FCHO2: variants seen among roughly 807,000 people sequenced by gnomAD.
The protein encoded by FCHO2 is F-BAR domain only protein 2.
Under a neutral mutation model 114.1 loss-of-function variants are expected in FCHO2, and 43 were observed. The ratio of observed to expected loss-of-function variants is 0.38; its 90% CI spans 0.30 to 0.49. The LOEUF is 0.49. Ranked by LOEUF, FCHO2 falls within the 20% of genes least tolerant of loss-of-function variation. The probability of loss-of-function intolerance (pLI) is 0.97; values close to 1 mark genes in which losing one functional copy is unlikely to be tolerated. For missense variants in FCHO2, 807 were observed against 950.4 expected, an observed-to-expected ratio of 0.85 and a Z score of 1.98; for synonymous variants, 293 against 315.2, an observed-to-expected ratio of 0.93 and a Z score of 0.75.
At chr5:73,009,745 C>T (rs1371550990) in intron 6 of FCHO2, among the ~76,000 whole-genome samples, 2 of 152,164 alleles carry the variant, frequency 1.3e-5, no homozygotes, top group African/African-American at 2.4e-5. Flanking sequence ...CCATGTTGCC[C>T]AGGGTGGTCT....
intron 5 of FCHO2, among the ~76,000 whole-genome samples, chr5:73,003,581 G>T (rs1001900484): frequency 3.9e-5 from 6 of 152,086 alleles, no homozygotes; most frequent in African/African-American, 1.4e-4. Flanking sequence ...TCTGTATTAG[G>T]AATGATCACA....
Position 73,000,184 on chromosome 5 carries a change from T to A in FCHO2, c.496-6261T>A, listed in dbSNP as rs545679877. 1.3e-4 allele frequency among the ~76,000 whole-genome samples: 19 copies of A among 151,762 alleles called. No homozygotes were observed. In the East Asian group the frequency reaches 2.9e-3, roughly 23 times the overall value. On this transcript the variant is annotated intron_variant, in intron 5 of 25. Coordinates refer to ENST00000430046, the MANE Select transcript of FCHO2 (RefSeq NM_138782.3). ...CATGCACAGCCAATAAAAAAAAAAA[T>A]TTTGCAGGCCAGGCACGGTGGCTCA...
intron 8 of FCHO2, among the ~76,000 whole-genome samples, chr5:73,018,395 T>C (rs908281546): frequency 1.3e-5 from 2 of 152,148 alleles, no homozygotes; most frequent in African/African-American, 4.8e-5. Flanking sequence ...TATACAGTTA[T>C]GAACTTATAA....
At chr5:73,040,073 C>T (rs1683148901) in intron 10 of FCHO2, among the ~76,000 whole-genome samples, 1 of 151,994 alleles carries the variant, frequency 6.6e-6, no homozygotes, top group Non-Finnish European at 1.5e-5. Flanking sequence ...TCTGTTTTAT[C>T]CTATTTTCCT....
chr5:73,043,621 A>G (rs1472461781), intron 11 of FCHO2, among the ~76,000 whole-genome samples: 1 of 152,180 alleles, frequency 6.6e-6, no homozygotes, highest in Admixed American at 6.5e-5. Flanking sequence ...AACTGGTTAA[A>G]TAAATTGGTG....
intron 12 of FCHO2, 68 bp from the exon 13 acceptor site, chr5:73,052,264 A>G: frequency 7.0e-7 from 1 of 1,422,744 alleles, no homozygotes; most frequent in Non-Finnish European, 9.5e-7. Context: ...CCTTTTTTAA[A>G]ATAAATGTGT....
chr5:73,051,450 A>G, intron 12 of FCHO2, 44 bp downstream of exon 12: 3 of 1,264,310 alleles, frequency 2.4e-6, no homozygotes, highest in South Asian at 1.4e-5. Flanking sequence ...ATGTTGGCAT[A>G]TAAGTAGGCA....
At chr5:73,038,739 A>G (rs996004583) in intron 10 of FCHO2, among the ~76,000 whole-genome samples, 2 of 152,184 alleles carry the variant, frequency 1.3e-5, no homozygotes, top group Non-Finnish European at 2.9e-5. Flanking sequence ...ATCTATATCT[A>G]TAGTTATCAA....
intron 2 of FCHO2, among the ~76,000 whole-genome samples, chr5:72,970,921 A>T (rs370501206): frequency 6.6e-6 from 1 of 151,966 alleles, no homozygotes; most frequent in Non-Finnish European, 1.5e-5. Context: ...TCATTGTTCA[A>T]TTCCCACCTA....
chr5:72,975,250 G>A (rs1752794021), intron 2 of FCHO2, among the ~76,000 whole-genome samples: 3 of 152,090 alleles, frequency 2.0e-5, no homozygotes, highest in Non-Finnish European at 2.9e-5. Context: ...ACAAAGCCTG[G>A]AACAATAGGA....
At chr5:72,993,677 C>T (rs995019114) in intron 5 of FCHO2, among the ~76,000 whole-genome samples, 7 of 152,092 alleles carry the variant, frequency 4.6e-5, no homozygotes, top group South Asian at 2.1e-4. Context: ...GTACAAACTT[C>T]GTTGCATGAT....
chr5:72,968,717 TTATATC>T (rs1222924704), intron 2 of FCHO2, 128 bp downstream of exon 2: 3 of 659,700 alleles, frequency 4.5e-6, no homozygotes, highest in Non-Finnish European at 7.1e-6. Flanking sequence ...TGTACTGTAA[TTATATC>T]TATCTATTTG....
intron 2 of FCHO2, among the ~76,000 whole-genome samples, chr5:72,977,209 C>T (rs1212179844): frequency 6.6e-6 from 1 of 152,162 alleles, no homozygotes; most frequent in Non-Finnish European, 1.5e-5. Flanking sequence ...ACACTGTCTT[C>T]CACAATGGTT....
chr5:73,041,943 G>T (rs567581479), intron 11 of FCHO2, among the ~76,000 whole-genome samples: 1 of 152,212 alleles, frequency 6.6e-6, no homozygotes, highest in South Asian at 2.1e-4. Flanking sequence ...TACCGTTCAT[G>T]TTGATAAGTA....
chr5:72,960,374 C>T lies in FCHO2; in HGVS notation c.33+4245C>T, dbSNP rs79398085. 6.9e-4 allele frequency among the ~76,000 whole-genome samples: 105 copies of T among 152,150 alleles called. No individual in the cohort carries two copies. In the East Asian group the frequency reaches 0.015, roughly 22 times the overall value. On this transcript the variant is annotated intron_variant, in intron 1 of 25. Coordinates refer to ENST00000430046, the MANE Select transcript of FCHO2 (RefSeq NM_138782.3). ...GTTATTGATAAGTCAGTTTTTGCCACGAAGTATAGCACCATTGATAATCAA... is the reference window on the plus strand; with the variant it reads ...GTTATTGATAAGTCAGTTTTTGCCATGAAGTATAGCACCATTGATAATCAA...
intron 8 of FCHO2, among the ~76,000 whole-genome samples, chr5:73,033,146 TC>T: frequency 6.6e-6 from 1 of 152,276 alleles, no homozygotes; most frequent in East Asian, 1.9e-4. Context: ...TTGAATAAAG[TC>T]CTTAAATTTT....
chr5:73,067,146 G>T (rs1472979261), intron 18 of FCHO2, among the ~76,000 whole-genome samples: 1 of 151,904 alleles, frequency 6.6e-6, no homozygotes, highest in Non-Finnish European at 1.5e-5. Flanking sequence ...CGTGCTATTG[G>T]CCACTGTAGT....
At position 73,052,356 on chromosome 5, in the gene FCHO2, C is replaced by T. The variant is rs201147177; in HGVS notation, c.1022C>T (p.Ser341Leu). The change falls in exon 13 of 26, where the codon TCA (serine) becomes TTA (leucine). Residue 341 changes from serine (S) to leucine (L), a missense_variant. By Grantham distance (145) the Ser-to-Leu change is moderately radical (BLOSUM62 -2). Coordinates refer to ENST00000430046, the MANE Select transcript of FCHO2 (RefSeq NM_138782.3). ...QNDTKENHFYSSSDSDSEDEE... is the reference protein window; with the variant it reads ...QNDTKENHFYLSSDSDSEDEE... The stretch of plus-strand genomic sequence containing the variant: ...CATACCAAAGAGAACCATTTCTACT[C>T]ATCTAGTGATTCTGACTCCGAAGAT... 87 of 1,608,824 alleles carry T rather than the reference C, an allele frequency of 5.4e-5. No homozygotes were observed. In the African/African-American group the frequency reaches 1.1e-3, roughly 21 times the overall value.
intron 11 of FCHO2, among the ~76,000 whole-genome samples, chr5:73,050,893 T>A (rs1392436566): frequency 6.6e-6 from 1 of 152,200 alleles, no homozygotes; most frequent in Non-Finnish European, 1.5e-5. Flanking sequence ...TAGATAGTTT[T>A]ACTAGTTCAC....
Sources: allele counts gnomAD v4.1 joint callset (sites outside exome capture counted in the v4.1 genomes callset), GRCh38; gene constraint gnomAD v4.1.1; transcripts MANE v1.5; gene names NCBI Gene and HGNC (gene_info 2026-07-23, HGNC 2026-07-21).